The following EBF2 variants were observed in gnomAD, a reference collection of about 807,000 sequenced individuals.
EBF2 encodes EBF transcription factor 2, also known as transcription factor COE2.
EBF2 carries 21 observed loss-of-function variants against 72.8 expected under a neutral mutation model. The ratio of observed to expected loss-of-function variants is 0.29; its 90% CI spans 0.20 to 0.42. EBF2 has a LOEUF of 0.42. Among genes scored for constraint, EBF2 ranks in the 10% least tolerant of loss-of-function variants. The probability of loss-of-function intolerance (pLI) is 1.00; values close to 1 mark genes in which losing one functional copy is unlikely to be tolerated. For missense variants in EBF2, 637 were observed against 731.2 expected (o/e 0.87, Z 1.49); for synonymous variants, 299 against 274.2 (o/e 1.09, Z -0.89).
intron 6 of EBF2, among the ~76,000 whole-genome samples, chr8:25,994,561 A>G (rs145674233): frequency 2.0e-5 from 3 of 152,360 alleles, no homozygotes; most frequent in East Asian, 1.9e-4. Context: ...GGTGAACTGG[A>G]TAAGGAAAAG....
intron 9 of EBF2, 22 bp downstream of exon 9, chr8:25,887,820 T>A (rs1802716792): frequency 6.4e-7 from 1 of 1,565,706 alleles, no homozygotes; most frequent in Non-Finnish European, 8.7e-7. Context: ...GAAATCAGAG[T>A]AAGCCTGTTG....
intron 13 of EBF2, among the ~76,000 whole-genome samples, chr8:25,859,078 A>G (rs1331862166): frequency 6.6e-6 from 1 of 152,162 alleles, no homozygotes; most frequent in African/African-American, 2.4e-5. Context: ...AATGGCTAAT[A>G]GCAGTGTGGA....
chr8:25,850,650 C>T lies in EBF2; in HGVS notation c.1640G>A (p.Arg547Lys). 8 of 1,568,526 alleles carry T rather than the reference C, an allele frequency of 5.1e-6. No homozygotes were observed. Among genetic ancestry groups the T allele is most frequent in the Non-Finnish European group, 6.9e-6 (8 of 1,165,084 alleles). Residue 547 changes from arginine (R) to lysine (K), a missense_variant, in exon 15 of 16, where the codon AGG becomes AAG. Arg to Lys is a conservative substitution (Grantham distance 26, BLOSUM62 2). Around this residue, in one of 3 missense-constraint regions of EBF2, gnomAD observed 259 missense variants for 268.1 expected, o/e 0.97. Transcript: ENST00000520164. ...KQKSAFAPVI[R>K]PQGSPSPACS... ...GGCAGGTGAAGGGGAGCCTTGGGGC[C>T]TGATGACAGGGGCAAAGGCACTCTT...
At chr8:26,038,270 G>T (rs1248379187) in intron 5 of EBF2, among the ~76,000 whole-genome samples, 1 of 152,180 alleles carries the variant, frequency 6.6e-6, no homozygotes. Flanking sequence ...AGTTTGGGAA[G>T]AAAACAGCAG....
intron 6 of EBF2, among the ~76,000 whole-genome samples, chr8:25,995,971 C>A (rs1340493808): frequency 6.6e-6 from 1 of 151,946 alleles, no homozygotes; most frequent in Non-Finnish European, 1.5e-5. Context: ...ATCCTCCTTG[C>A]TGTTTGGCAA....
chr8:25,969,177 C>G (rs1234244333), intron 6 of EBF2, among the ~76,000 whole-genome samples: 1 of 152,178 alleles, frequency 6.6e-6, no homozygotes, highest in African/African-American at 2.4e-5. Context: ...GAGGAATTGT[C>G]TAAGAAGATT....
rs757173555 is a variant in EBF2, at chr8:26,044,711, G to A, written c.131+18C>T. ...AAGAGCGAGAGACAGCATAATAATT[G>A]CGCGGCCGTGTCGTTACCTCTGCGC... On this transcript the variant is annotated intron_variant, in intron 1 of 15. Transcript: ENST00000520164. The surrounding 1 kb of genome is among the most constrained non-coding windows in gnomAD (Gnocchi z 4.1). 2.4e-5 allele frequency: 39 copies of A among 1,612,628 alleles called. No individual in the cohort carries two copies. The highest frequency in any genetic ancestry group is 3.1e-5 in the Non-Finnish European group (37 of 1,179,102).
intron 6 of EBF2, among the ~76,000 whole-genome samples, chr8:25,958,365 C>T (rs1041111180): frequency 2.6e-5 from 4 of 151,916 alleles, no homozygotes; most frequent in African/African-American, 7.2e-5. Flanking sequence ...TTTTGCTAAA[C>T]ATAAATGCAC....
chr8:25,902,445 TAA>T (rs1400063298), intron 7 of EBF2, among the ~76,000 whole-genome samples: 3 of 152,142 alleles, frequency 2.0e-5, no homozygotes, highest in Non-Finnish European at 4.4e-5. Context: ...CTGGAAATCT[TAA>T]GTTTGTTTTC....
chr8:25,918,888 C>T (rs889417571), intron 6 of EBF2, among the ~76,000 whole-genome samples: 8 of 152,094 alleles, frequency 5.3e-5, no homozygotes, highest in Admixed American at 2.0e-4. Context: ...TTAAAGTAAC[C>T]GTATGTTGTA....
At chr8:25,960,921 T>A (rs1804024726) in intron 6 of EBF2, among the ~76,000 whole-genome samples, 1 of 152,230 alleles carries the variant, frequency 6.6e-6, no homozygotes, top group South Asian at 2.1e-4. Context: ...GCTACTGATA[T>A]AAATGCACAC....
intron 6 of EBF2, among the ~76,000 whole-genome samples, chr8:25,958,253 G>A (rs1803980127): frequency 6.6e-6 from 1 of 152,158 alleles, no homozygotes; most frequent in Non-Finnish European, 1.5e-5. Flanking sequence ...AGCAGGAAAA[G>A]GTAAAAGTAA....
At chr8:25,970,438 C>T (rs1308919837) in intron 6 of EBF2, among the ~76,000 whole-genome samples, 1 of 152,112 alleles carries the variant, frequency 6.6e-6, no homozygotes, top group Non-Finnish European at 1.5e-5. Flanking sequence ...GACATATGAA[C>T]CCACAGAGCA....
At chr8:25,893,618 G>C (rs772741727) in intron 7 of EBF2, among the ~76,000 whole-genome samples, 1 of 152,118 alleles carries the variant, frequency 6.6e-6, no homozygotes, top group African/African-American at 2.4e-5. Flanking sequence ...GGCACACTAA[G>C]GGGAACCTGG....
chr8:26,007,813 T>TAC (rs762824229), intron 6 of EBF2, among the ~76,000 whole-genome samples: 203 of 149,514 alleles, frequency 1.4e-3, no homozygotes, highest in East Asian at 3.8e-3. Flanking sequence ...CACACACACA[T>TAC]ACACACACAC....
chr8:25,916,118 T>C (rs1803209442), intron 6 of EBF2, among the ~76,000 whole-genome samples: 1 of 151,826 alleles, frequency 6.6e-6, no homozygotes, highest in Admixed American at 6.6e-5. Flanking sequence ...AAACCCAGTC[T>C]CTACTACATA....
chr8:25,917,202 T>TTC (rs1387939536), intron 6 of EBF2, among the ~76,000 whole-genome samples: 1 of 150,800 alleles, frequency 6.6e-6, no homozygotes, highest in East Asian at 1.9e-4. Context: ...GTTTGGGGTT[T>TTC]TTTTTTTTTT....
At chr8:25,870,411 G>C (rs2117272658) in intron 10 of EBF2, among the ~76,000 whole-genome samples, 1 of 151,816 alleles carries the variant, frequency 6.6e-6, no homozygotes, top group East Asian at 1.9e-4. Context: ...CTCCATTTCT[G>C]CCTTTGTCCC....
chr8:25,992,076 G>A (rs1053216530), intron 6 of EBF2, among the ~76,000 whole-genome samples: 3 of 151,542 alleles, frequency 2.0e-5, no homozygotes, highest in African/African-American at 7.3e-5. Flanking sequence ...TGTCACTCAG[G>A]CTAGAGTGCA....
Sources: gnomAD v4.1 joint callset for allele counts (sites outside exome capture counted in the v4.1 genomes callset) on GRCh38, gnomAD v4.1.1 for gene constraint, gnomAD v4.1.1 regional missense constraint, Gnocchi (gnomAD v3.1) non-coding constraint, MANE v1.5 for transcripts, NCBI Gene and HGNC (gene_info 2026-07-23, HGNC 2026-07-21) for gene names.